Variants in SGSM1 observed in about 807,000 individuals in gnomAD.
SGSM1 encodes RUN and TBC1 domain containing 2.
A neutral mutation model predicts 133.8 loss-of-function variants in SGSM1; 73 were observed. The observed-to-expected ratio is 0.55, with a 90% CI of 0.45 to 0.66. The LOEUF (loss-of-function observed/expected upper bound fraction) is 0.66. Ranked by LOEUF, SGSM1 falls within the 30% of genes least tolerant of loss-of-function variation. The pLI is 0.00. For missense variants in SGSM1, 1,213 were observed against 1,448.1 expected (o/e 0.84, Z 2.64); for synonymous variants, 563 against 573.0 (o/e 0.98, Z 0.25).
intron 15 of SGSM1, among the ~76,000 whole-genome samples, chr22:24,885,221 C>T (rs978656038): frequency 7.9e-5 from 12 of 152,064 alleles, no homozygotes; most frequent in Non-Finnish European, 1.6e-4. Flanking sequence ...AGGCGTGAGC[C>T]GCTGCGCCCA....
In SGSM1 at chr22:24,816,440, G is replaced by T. The variant is rs1336787263; in HGVS notation, c.63+9956G>T. Among the ~76,000 whole-genome samples, 5 of 132,956 alleles carry T rather than the reference G, an allele frequency of 3.8e-5. No individual in the cohort carries two copies. In the East Asian group the frequency reaches 1.1e-3, roughly 28 times the overall value. 87.2% of individuals were successfully genotyped at this position (132,956 alleles called of 152,430 possible). A position where few individuals can be genotyped will look rare whatever the true frequency, so the allele number is the denominator to read the frequency against. On this transcript the variant is annotated intron_variant, in intron 2 of 24. Coordinates refer to ENST00000400358, the MANE Select transcript of SGSM1 (RefSeq NM_001098497.3). ...TTCTTTTTTTTTTTTTTTTGAGATG[G>T]TGTCTCGCTCTGTTGCCTAGGCTGG... is the stretch of plus-strand genomic sequence containing the variant.
chr22:24,844,239 A>G (rs1929962701), intron 2 of SGSM1: 1 of 152,342 alleles, frequency 6.6e-6, no homozygotes, highest in South Asian at 2.1e-4. Flanking sequence ...AACAAATAGA[A>G]TGGGAATAGT....
chr22:24,898,440 G>A lies in SGSM1; in HGVS notation c.2491G>A (p.Glu831Lys), dbSNP rs1932990794. 1.2e-5 allele frequency: 19 copies of A among 1,613,934 alleles called. No individual in the cohort carries two copies. Among genetic ancestry groups the A allele is most frequent in the Non-Finnish European group, 1.5e-5 (18 of 1,179,888 alleles). Residue 831 changes from glutamate to lysine, a missense_variant, in exon 19 of 25, where the codon GAG (glutamate) becomes AAG (lysine). By Grantham distance (56) the Glu-to-Lys change is moderately conservative (BLOSUM62 1). Transcript: ENST00000400358. ...AGAGAAACATGGCCAGGCGGACAGT[G>A]AGGACAACCTCTCGGAGGAGCCTGA... ...ETEKHGQADS[E>K]DNLSEEPEME...
At chr22:24,848,921 A>G (rs980271639) in intron 4 of SGSM1, among the ~76,000 whole-genome samples, 2 of 151,814 alleles carry the variant, frequency 1.3e-5, no homozygotes, top group East Asian at 1.9e-4. Flanking sequence ...GACTCTGTCA[A>G]CTCCCATTTG....
chr22:24,868,648 C>G lies in SGSM1; in HGVS notation c.1159-75C>G, dbSNP rs1208683744. On this transcript the variant is annotated intron_variant, in intron 11 of 24. Coordinates refer to ENST00000400358, the MANE Select transcript of SGSM1 (RefSeq NM_001098497.3). Reference sequence around the variant, plus strand: ...GCTATGTGGCCTCATGCGCTCTCCACTGATACCCTCAGACTAAGCAAGTTG... The same window carrying G: ...GCTATGTGGCCTCATGCGCTCTCCAGTGATACCCTCAGACTAAGCAAGTTG... 5.0e-6 allele frequency: 8 copies of G among 1,609,132 alleles called. No homozygotes were observed. In the East Asian group the frequency reaches 1.6e-4, roughly 31 times the overall value.
intron 9 of SGSM1, among the ~76,000 whole-genome samples, chr22:24,863,876 G>C (rs139711): frequency 0.051 from 7,705 of 151,838 alleles, 216 homozygotes; most frequent in African/African-American, 0.079. Context: ...CGAGTAGCTG[G>C]GATTACAGGC....
At chr22:24,887,119 G>GTGTGTGTGTGTGTA (rs1932654180) in intron 16 of SGSM1, among the ~76,000 whole-genome samples, 1 of 149,236 alleles carries the variant, frequency 6.7e-6, no homozygotes, top group African/African-American at 2.5e-5. Flanking sequence ...GTGTGTGTGT[G>GTGTGTGTGTGTGTA]TGTGTGTGTG....
rs767131304 is a variant in SGSM1, at chr22:24,868,760, A to G, written c.1196A>G (p.Gln399Arg). 2 of 1,614,046 alleles carry G rather than the reference A, an allele frequency of 1.2e-6. No individual in the cohort carries two copies. The highest frequency in any genetic ancestry group is 3.3e-5 in the Admixed American group (2 of 60,032). ...VFPKLRKRSPQGSAESTSSDK... is the reference protein window; with the variant it reads ...VFPKLRKRSPRGSAESTSSDK... ...CCTAAACTGCGCAAGCGAAGCCCTCAGGGTTCTGCCGAGTCCACATCTTCA... is the reference window on the plus strand; with the variant it reads ...CCTAAACTGCGCAAGCGAAGCCCTCGGGGTTCTGCCGAGTCCACATCTTCA... The change falls in exon 12 of 25, where the codon CAG becomes CGG. Residue 399 changes from glutamine (Q) to arginine (R), a missense_variant. By Grantham distance (43) the Gln-to-Arg change is conservative. Transcript: ENST00000400358.
At position 24,855,723 on chromosome 22, in the gene SGSM1, A is replaced by T. The variant is rs775610848; in HGVS notation, c.801+43A>T. 9 of 1,613,530 alleles carry T rather than the reference A, an allele frequency of 5.6e-6. No homozygotes were observed. The African/African-American group carries it at 1.2e-4, about 22-fold the overall frequency. On this transcript the variant is annotated intron_variant, in intron 8 of 24. Transcript: ENST00000400358. ...GCCTAGATCTTGCACTGAGGGTCTC[A>T]CTCCAGGTTATAGAGGAAAAGGTCT...
chr22:24,883,281 G>T (rs1932433658), intron 14 of SGSM1, among the ~76,000 whole-genome samples: 1 of 152,178 alleles, frequency 6.6e-6, no homozygotes, highest in Non-Finnish European at 1.5e-5. Flanking sequence ...GAATGGTGTT[G>T]CAGTAAACAT....
rs1280318585 is a variant in SGSM1, at chr22:24,909,496, C to T, written c.2819-3147C>T. 3.3e-5 allele frequency among the ~76,000 whole-genome samples: 5 copies of T among 152,058 alleles called. No homozygotes were observed. In the South Asian group the frequency reaches 8.3e-4, roughly 25 times the overall value. On this transcript the variant is annotated intron_variant, in intron 21 of 24. Transcript: ENST00000400358. ...TTTCAGATGGAGTCTCATCCTGTCA[C>T]CCAGGCTGGAGTGCAATGGCACCAT... is the stretch of plus-strand genomic sequence containing the variant.
chr22:24,817,670 G>A (rs899026159), intron 2 of SGSM1, among the ~76,000 whole-genome samples: 2 of 151,702 alleles, frequency 1.3e-5, no homozygotes, highest in Admixed American at 6.6e-5. Flanking sequence ...CTCAGCTTTC[G>A]TCAGGACCTC....
chr22:24,909,401 A>G (rs1192707045), intron 21 of SGSM1, among the ~76,000 whole-genome samples: 1 of 152,126 alleles, frequency 6.6e-6, no homozygotes, highest in Non-Finnish European at 1.5e-5. Flanking sequence ...GAAGCTTTGG[A>G]CATTGCTGGT....
chr22:24,828,979 G>A (rs1375435760), intron 2 of SGSM1, among the ~76,000 whole-genome samples: 2 of 152,118 alleles, frequency 1.3e-5, no homozygotes, highest in South Asian at 4.1e-4. Flanking sequence ...GGAACATGAG[G>A]CTAGGAGATC....
chr22:24,835,660 G>A (rs894455556), intron 2 of SGSM1, among the ~76,000 whole-genome samples: 52 of 152,202 alleles, frequency 3.4e-4, no homozygotes, highest in African/African-American at 1.2e-3. Context: ...GAGCATTCCA[G>A]GCAAAGGGAA....
At chr22:24,816,519 G>T (rs1412792406) in intron 2 of SGSM1, among the ~76,000 whole-genome samples, 1 of 146,706 alleles carries the variant, frequency 6.8e-6, no homozygotes, top group East Asian at 2.1e-4. Context: ...GGGTTCAAGC[G>T]ATTCTTCTGC....
intron 8 of SGSM1, among the ~76,000 whole-genome samples, chr22:24,856,826 G>T (rs1164153219): frequency 6.6e-6 from 1 of 150,802 alleles, no homozygotes; most frequent in East Asian, 2.0e-4. Context: ...TGGCATGCAG[G>T]GGTGCGATTT....
intron 5 of SGSM1, among the ~76,000 whole-genome samples, chr22:24,852,782 A>G (rs139675): frequency 0.68 from 103,042 of 151,770 alleles, 36,552 homozygotes; most frequent in African/African-American, 0.91. Context: ...GCTGATTTTT[A>G]AGGCAGCATG....
In SGSM1 at chr22:24,840,378, C is replaced by T. The variant is rs982048758; in HGVS notation, c.64-4519C>T. 2.0e-5 allele frequency among the ~76,000 whole-genome samples: 3 copies of T among 152,288 alleles called. No individual in the cohort carries two copies. The South Asian group carries it at 6.2e-4, about 32-fold the overall frequency. ...ATTTATTTTGAGAGGCAGTCTCACT[C>T]TGTCACCCAAGCTGAAGTGCAATAG... On this transcript the variant is annotated intron_variant, in intron 2 of 24. Coordinates refer to ENST00000400358, the MANE Select transcript of SGSM1 (RefSeq NM_001098497.3).
Sources: allele counts gnomAD v4.1 joint callset (sites outside exome capture counted in the v4.1 genomes callset), GRCh38; gene constraint gnomAD v4.1.1; transcripts MANE v1.5; gene names NCBI Gene and HGNC (gene_info 2026-07-23, HGNC 2026-07-21).